AUTS2: variants seen among roughly 807,000 people sequenced by gnomAD.
The protein encoded by AUTS2 is autism susceptibility gene 2 protein.
Under a neutral mutation model 112.4 loss-of-function variants are expected in AUTS2, and 17 were observed. The observed-to-expected ratio is 0.15, with a 90% CI of 0.10 to 0.23. AUTS2 has a LOEUF of 0.23. Among genes scored for constraint, AUTS2 ranks in the 10% least tolerant of loss-of-function variants. The pLI, the probability that AUTS2 is intolerant of heterozygous loss-of-function variation, is 1.00. For synonymous variants in AUTS2, 751 were observed against 702.7 expected, an observed-to-expected ratio of 1.07 and a Z score of -1.09; for missense variants, 1,510 against 1,701.6, an observed-to-expected ratio of 0.89 and a Z score of 1.98.
chr7:70,705,841 A>G (rs1327946030), intron 6 of AUTS2, among the ~76,000 whole-genome samples: 17 of 152,216 alleles, frequency 1.1e-4, no homozygotes, highest in African/African-American at 4.1e-4. Flanking sequence ...GCCCTTGGAT[A>G]GGAGTGGAAG....
chr7:69,610,393 A>C lies in AUTS2; in HGVS notation c.309+10431A>C, dbSNP rs79586311. On this transcript the variant is annotated intron_variant, in intron 1 of 18. Transcript: ENST00000342771. ...ATGTTGACAAAATTGGTGTAAATCG[A>C]ATTTTTGTAAATTGGATCAAATGCA... Among the ~76,000 whole-genome samples, 1,308 of 152,270 alleles carry C rather than the reference A, an allele frequency of 8.6e-3. 50 individuals are homozygous for C. The East Asian group carries it at 0.1, about 12-fold the overall frequency.
At chr7:69,664,536 A>G (rs141891495) in intron 1 of AUTS2, among the ~76,000 whole-genome samples, 2 of 152,344 alleles carry the variant, frequency 1.3e-5, no homozygotes, top group Non-Finnish European at 2.9e-5. Context: ...AGACATTAAT[A>G]TTTTACGTTA....
At chr7:70,292,570 G>A (rs989505997) in intron 4 of AUTS2, 4 of 152,162 alleles carry the variant, frequency 2.6e-5, no homozygotes, top group Non-Finnish European at 5.9e-5. Flanking sequence ...CTAAATGCAG[G>A]ACAAAATGCA....
At chr7:69,856,065 A>G (rs1476154521) in intron 1 of AUTS2, among the ~76,000 whole-genome samples, 1 of 152,206 alleles carries the variant, frequency 6.6e-6, no homozygotes, top group African/African-American at 2.4e-5. Context: ...TCCTGACTAA[A>G]TATTGCAGGT....
At chr7:70,605,720 A>G (rs138863628) in intron 5 of AUTS2, among the ~76,000 whole-genome samples, 68 of 152,130 alleles carry the variant, frequency 4.5e-4, no homozygotes, top group African/African-American at 1.5e-3. Flanking sequence ...CATAGCGATG[A>G]ATTTCTCAAT....
chr7:69,802,138 C>T (rs1184389663), intron 1 of AUTS2, among the ~76,000 whole-genome samples: 1 of 152,184 alleles, frequency 6.6e-6, no homozygotes, highest in African/African-American at 2.4e-5. Context: ...TCAGAATCTG[C>T]AAATGTTTCC....
At chr7:70,751,808 C>T (rs1788877377) in intron 6 of AUTS2, among the ~76,000 whole-genome samples, 1 of 152,046 alleles carries the variant, frequency 6.6e-6, no homozygotes, top group African/African-American at 2.4e-5. Flanking sequence ...GCAACCTCCG[C>T]CTCCTGGGGT....
At chr7:69,865,866 CA>C (rs1449589851) in intron 1 of AUTS2, among the ~76,000 whole-genome samples, 1 of 152,182 alleles carries the variant, frequency 6.6e-6, no homozygotes, top group Non-Finnish European at 1.5e-5. Flanking sequence ...TTATTAGAAG[CA>C]CAATGTATCT....
intron 1 of AUTS2, among the ~76,000 whole-genome samples, chr7:69,656,720 G>T (rs1379075287): frequency 2.6e-5 from 4 of 152,170 alleles, no homozygotes; most frequent in Non-Finnish European, 5.9e-5. Context: ...TTTTCAAGTG[G>T]CAGAACTTGC....
intron 2 of AUTS2, among the ~76,000 whole-genome samples, chr7:69,901,381 G>C (rs1328408138): frequency 1.4e-4 from 21 of 151,822 alleles, no homozygotes; most frequent in Admixed American, 1.4e-3. Flanking sequence ...TCTTCTAGAC[G>C]TGATCTGACT....
At chr7:70,020,757 C>T (rs1800234226) in intron 2 of AUTS2, among the ~76,000 whole-genome samples, 1 of 152,006 alleles carries the variant, frequency 6.6e-6, no homozygotes, top group South Asian at 2.1e-4. Context: ...AATCATAGCT[C>T]ACTGCAGCCT....
At chr7:70,651,878 G>A (rs539841122) in intron 5 of AUTS2, among the ~76,000 whole-genome samples, 4 of 152,196 alleles carry the variant, frequency 2.6e-5, no homozygotes, top group South Asian at 2.1e-4. Context: ...GCAAACACAC[G>A]CACAGAAATG....
chr7:70,680,570 C>T (rs1397349717), intron 5 of AUTS2, among the ~76,000 whole-genome samples: 1 of 152,176 alleles, frequency 6.6e-6, no homozygotes, highest in African/African-American at 2.4e-5. Flanking sequence ...TTCCATGCCT[C>T]CTCATGCACC....
rs1802057838 is a variant in AUTS2, at chr7:70,057,717, G to C, written c.523-60415G>C. On this transcript the variant is annotated intron_variant, in intron 2 of 18. Coordinates refer to ENST00000342771, the MANE Select transcript of AUTS2 (RefSeq NM_015570.4). Reference sequence around the variant, plus strand: ...GACCCTCTGTTGTCCCTCTGTTCTAGCCTTTCAGATTGGCTTCTTTCACTT... The same window carrying C: ...GACCCTCTGTTGTCCCTCTGTTCTACCCTTTCAGATTGGCTTCTTTCACTT... Among the ~76,000 whole-genome samples the C allele has an allele frequency of 2.0e-5, 3 of 152,104 alleles. No homozygotes were observed. In the South Asian group the frequency reaches 6.2e-4, roughly 32 times the overall value.
chr7:69,685,839 A>G (rs1324169510), intron 1 of AUTS2, among the ~76,000 whole-genome samples: 4 of 151,990 alleles, frequency 2.6e-5, no homozygotes, highest in East Asian at 3.9e-4. Flanking sequence ...GCCACCACAC[A>G]TGGCCAATCC....
At chr7:70,135,407 C>CT (rs1249274727) in intron 4 of AUTS2, among the ~76,000 whole-genome samples, 1 of 152,126 alleles carries the variant, frequency 6.6e-6, no homozygotes, top group Non-Finnish European at 1.5e-5. Flanking sequence ...GTGATGAACA[C>CT]TGATACAGTC....
At chr7:69,663,571 C>G (rs1795899435) in intron 1 of AUTS2, among the ~76,000 whole-genome samples, 1 of 152,150 alleles carries the variant, frequency 6.6e-6, no homozygotes, top group Non-Finnish European at 1.5e-5. Flanking sequence ...GAGATGAAGT[C>G]CCAACACTTG....
intron 2 of AUTS2, among the ~76,000 whole-genome samples, chr7:69,949,854 A>T (rs1796957887): frequency 6.6e-6 from 1 of 152,190 alleles, no homozygotes; most frequent in Admixed American, 6.6e-5. Context: ...TTGCTGGCAC[A>T]TTCCTTTGTG....
intron 5 of AUTS2, among the ~76,000 whole-genome samples, chr7:70,489,476 C>G (rs1798152668): frequency 6.6e-6 from 1 of 152,100 alleles, no homozygotes; most frequent in Admixed American, 6.6e-5. Context: ...TTCAGTAAAC[C>G]CCCCCAGAAT....
Sources: gnomAD v4.1 joint callset for allele counts (sites outside exome capture counted in the v4.1 genomes callset) on GRCh38, gnomAD v4.1.1 for gene constraint, MANE v1.5 for transcripts, NCBI Gene and HGNC (gene_info 2026-07-23, HGNC 2026-07-21) for gene names.